OR2L13: variants seen among roughly 807,000 people sequenced by gnomAD.
OR2L13 encodes the protein olfactory receptor 2L13.
In OR2L13, 14 loss-of-function variants were observed where a neutral mutation model predicts 15.3. The ratio of observed to expected loss-of-function variants is 0.91; its 90% CI spans 0.60 to 1.43. The LOEUF (loss-of-function observed/expected upper bound fraction) is 1.43. Ranked by LOEUF, OR2L13 falls within the 40% of genes most tolerant of loss-of-function variation. OR2L13 has a pLI of 0.00. For missense variants in OR2L13, 367 were observed against 387.9 expected (o/e 0.95, Z 0.45); for synonymous variants, 152 against 142.9 (o/e 1.06, Z -0.45).
At chr1:248,001,568 AAAT>A in the OR2L13 span, among the ~76,000 whole-genome samples, 7 of 152,070 alleles carry the variant, frequency 4.6e-5, no homozygotes, top group Non-Finnish European at 8.8e-5. Flanking sequence ...TAAATAAAAA[AAAT>A]AATAAAAGGA....
chr1:247,993,788 A>AGG, the OR2L13 span, among the ~76,000 whole-genome samples: 1 of 137,324 alleles, frequency 7.3e-6, no homozygotes, highest in Non-Finnish European at 1.5e-5. Flanking sequence ...AGAGAGAGAG[A>AGG]GAGAGAGAGA....
At chr1:248,048,045 C>A in the OR2L13 span, among the ~76,000 whole-genome samples, 127 of 152,274 alleles carry the variant, frequency 8.3e-4, 3 homozygotes, top group East Asian at 0.022. Context: ...CGTGAACTTA[C>A]AGCGTGAAGC....
chr1:248,049,365 T>C, the OR2L13 span, among the ~76,000 whole-genome samples: 1 of 152,212 alleles, frequency 6.6e-6, no homozygotes, highest in Non-Finnish European at 1.5e-5. Context: ...AAGTTAGTAA[T>C]AGGTTCTTCA....
upstream of OR2L13, among the ~76,000 whole-genome samples, chr1:248,095,607 C>CTTTTTTTT (rs780686820): frequency 0.012 from 462 of 37,278 alleles, 167 homozygotes; most frequent in East Asian, 0.04. Context: ...AAAGCTGCTG[C>CTTTTTTTT]TTTTTTTTTT....
At chr1:248,076,895 G>A in the OR2L13 span, among the ~76,000 whole-genome samples, 1 of 152,190 alleles carries the variant, frequency 6.6e-6, no homozygotes, top group Non-Finnish European at 1.5e-5. Context: ...TAGGAGTGGT[G>A]AGAGAGGGCA....
At chr1:248,078,111 T>C in the OR2L13 span, among the ~76,000 whole-genome samples, 2 of 152,164 alleles carry the variant, frequency 1.3e-5, no homozygotes, top group East Asian at 3.8e-4. Context: ...CGTATCAGAA[T>C]AAAATTATTG....
the OR2L13 span, among the ~76,000 whole-genome samples, chr1:247,983,271 A>T: frequency 6.6e-6 from 1 of 152,182 alleles, no homozygotes; most frequent in African/African-American, 2.4e-5. Flanking sequence ...TGCAAGTGCC[A>T]GTGTGTGGAG....
chr1:248,061,681 A>C, the OR2L13 span: 1 of 1,375,606 alleles, frequency 7.3e-7, no homozygotes, highest in East Asian at 2.4e-5. Context: ...GTGTATAGTA[A>C]TTAAAATATT....
At chr1:247,987,848 C>A in the OR2L13 span, among the ~76,000 whole-genome samples, 1 of 152,098 alleles carries the variant, frequency 6.6e-6, no homozygotes, top group East Asian at 1.9e-4. Context: ...TTTATGTCTG[C>A]AGCAAGGGGT....
upstream of OR2L13, among the ~76,000 whole-genome samples, chr1:248,095,607 C>CTTTTTTTCTTT: frequency 2.7e-5 from 1 of 37,294 alleles, no homozygotes; most frequent in Non-Finnish European, 5.4e-5. Flanking sequence ...AAAGCTGCTG[C>CTTTTTTTCTTT]TTTTTTTTTT....
At chr1:248,068,576 C>G in the OR2L13 span, among the ~76,000 whole-genome samples, 12 of 152,214 alleles carry the variant, frequency 7.9e-5, no homozygotes, top group Non-Finnish European at 1.8e-4. Flanking sequence ...GAGCACCTCT[C>G]CTCCTCCAAA....
chr1:248,071,565 A>T, the OR2L13 span, among the ~76,000 whole-genome samples: 4 of 152,186 alleles, frequency 2.6e-5, no homozygotes, highest in African/African-American at 9.7e-5. Flanking sequence ...GAAAACTGGC[A>T]CAAGACAGGG....
At chr1:248,060,040 CAAAA>C in the OR2L13 span, among the ~76,000 whole-genome samples, 1 of 129,050 alleles carries the variant, frequency 7.7e-6, no homozygotes, top group Admixed American at 8.3e-5. Flanking sequence ...CCCTGTCACT[CAAAA>C]AAAAAAAAAG....
the OR2L13 span, among the ~76,000 whole-genome samples, chr1:248,068,357 C>T: frequency 6.6e-6 from 1 of 152,026 alleles, no homozygotes; most frequent in South Asian, 2.1e-4. Context: ...CGCTGTTCTG[C>T]AGCCACTGCT....
At chr1:247,975,515 A>C in the OR2L13 span, 2 of 1,023,126 alleles carry the variant, frequency 2.0e-6, no homozygotes. Context: ...AGATACCTGC[A>C]ATCTCCAACA....
At chr1:248,070,997 C>A in the OR2L13 span, among the ~76,000 whole-genome samples, 1 of 151,988 alleles carries the variant, frequency 6.6e-6, no homozygotes, top group Non-Finnish European at 1.5e-5. Context: ...GCTTACCAAC[C>A]AAAAAGAGTC....
the OR2L13 span, among the ~76,000 whole-genome samples, chr1:248,055,396 G>A: frequency 6.6e-6 from 1 of 152,018 alleles, no homozygotes; most frequent in Non-Finnish European, 1.5e-5. Context: ...TTGGCACAAA[G>A]TTTTCTTTTT....
At chr1:248,052,050 A>G in the OR2L13 span, among the ~76,000 whole-genome samples, 1 of 152,194 alleles carries the variant, frequency 6.6e-6, no homozygotes, top group Non-Finnish European at 1.5e-5. Context: ...TTCAACTTGC[A>G]GTGGGTTTGT....
At chr1:247,950,568 A>G in the OR2L13 span, among the ~76,000 whole-genome samples, 1 of 152,140 alleles carries the variant, frequency 6.6e-6, no homozygotes, top group Non-Finnish European at 1.5e-5. Flanking sequence ...TTTTACAAGC[A>G]CCTTATATTG....
Sources: gnomAD v4.1 joint callset for allele counts (sites outside exome capture counted in the v4.1 genomes callset) on GRCh38, gnomAD v4.1.1 for gene constraint, MANE v1.5 for transcripts, NCBI Gene and HGNC (gene_info 2026-07-23, HGNC 2026-07-21) for gene names.